The following EIF5B variants were observed in gnomAD, a reference collection of about 807,000 sequenced individuals.
The protein encoded by EIF5B is eIF-5B.
Under a neutral mutation model 147.5 loss-of-function variants are expected in EIF5B, and 47 were observed. The ratio of observed to expected loss-of-function variants is 0.32; its 90% CI spans 0.25 to 0.41. EIF5B has a LOEUF of 0.41. Ranked by LOEUF, EIF5B falls within the 10% of genes least tolerant of loss-of-function variation. The pLI is 1.00. For synonymous variants in EIF5B, 455 were observed against 456.2 expected, an observed-to-expected ratio of 1.00 and a Z score of 0.03; for missense variants, 1,064 against 1,413.2, an observed-to-expected ratio of 0.75 and a Z score of 3.96.
At chr2:99,342,368 A>T (rs2094261640) in intron 1 of EIF5B, among the ~76,000 whole-genome samples, 1 of 152,172 alleles carries the variant, frequency 6.6e-6, no homozygotes, top group Admixed American at 6.6e-5. Context: ...TTCAAGAAAT[A>T]TATTGAGATT....
intron 1 of EIF5B, among the ~76,000 whole-genome samples, chr2:99,345,652 ATAGG>A (rs2094271206): frequency 6.6e-6 from 1 of 151,554 alleles, no homozygotes; most frequent in Non-Finnish European, 1.5e-5. Flanking sequence ...CTTGTAGAAC[ATAGG>A]TAGGTGGGCG....
chr2:99,377,495 A>G (rs1411071833), intron 10 of EIF5B, among the ~76,000 whole-genome samples: 2 of 151,176 alleles, frequency 1.3e-5, no homozygotes, highest in East Asian at 3.9e-4. Flanking sequence ...AGATGCCTGT[A>G]GCATTCTTCC....
At chr2:99,346,569 T>A (rs984309729) in intron 1 of EIF5B, among the ~76,000 whole-genome samples, 28 of 151,042 alleles carry the variant, frequency 1.9e-4, no homozygotes, top group African/African-American at 6.6e-4. Flanking sequence ...ATTAGTTATT[T>A]TAGAACATAA....
At chr2:99,385,324 C>T (rs968304204) in intron 14 of EIF5B, among the ~76,000 whole-genome samples, 2 of 152,144 alleles carry the variant, frequency 1.3e-5, no homozygotes, top group Non-Finnish European at 1.5e-5. Context: ...GGATTACAGG[C>T]GTGAGCCACT....
chr2:99,399,094 C>T, intron 23 of EIF5B, 185 bp downstream of exon 23: 1 of 820,488 alleles, frequency 1.2e-6, no homozygotes, highest in Non-Finnish European at 1.9e-6. Context: ...AGGAAAGCAG[C>T]ACCAACAGAG....
Position 99,361,623 on chromosome 2 carries a change from A to G in EIF5B, c.722A>G (p.Lys241Arg). The G allele has an allele frequency of 1.9e-6, 3 of 1,594,014 alleles. No individual in the cohort carries two copies. The highest frequency in any genetic ancestry group is 2.2e-5 in the East Asian group (1 of 44,784). ...KKAEKKERER[K>R]KRDEEKAKLR... ...GCAGAAAAGAAGGAGCGCGAGAGAA[A>G]AAAGCGAGATGAAGAAAAAGCGAAA... The change falls in exon 4 of 24, where the codon AAA becomes AGA. Residue 241 changes from lysine (K) to arginine (R), a missense_variant. By Grantham distance (26) the Lys-to-Arg change is conservative. This residue lies in a region of EIF5B where 458 missense variants were observed against 451.3 expected (regional missense o/e 1.01). Coordinates refer to ENST00000289371, the MANE Select transcript of EIF5B (RefSeq NM_015904.4).
chr2:99,343,648 T>C (rs556761592), intron 1 of EIF5B, among the ~76,000 whole-genome samples: 2 of 151,864 alleles, frequency 1.3e-5, no homozygotes, highest in South Asian at 2.1e-4. Context: ...CAAAACCTAC[T>C]ACTAAAAATA....
intron 19 of EIF5B, 33 bp downstream of exon 19, chr2:99,394,431 G>C: frequency 7.4e-6 from 12 of 1,613,460 alleles, no homozygotes; most frequent in Non-Finnish European, 9.3e-6. Flanking sequence ...ACAAGTGAAT[G>C]GTGGTTGGTC....
At chr2:99,390,764 C>T in intron 17 of EIF5B, 59 bp downstream of exon 17, 1 of 1,507,414 alleles carries the variant, frequency 6.6e-7, no homozygotes, top group African/African-American at 1.4e-5. Context: ...AGAAGTTCTG[C>T]TGAGATGGTT....
At chr2:99,359,646 A>G (rs1358239437) in intron 1 of EIF5B, among the ~76,000 whole-genome samples, 1 of 152,160 alleles carries the variant, frequency 6.6e-6, no homozygotes, top group Non-Finnish European at 1.5e-5. Flanking sequence ...TTAGTTCTGG[A>G]TTTTTGGTTA....
chr2:99,376,531 A>G lies in EIF5B; in HGVS notation c.1737A>G (p.Leu579=). The G allele has an allele frequency of 6.2e-7, 1 of 1,614,006 alleles. No individual in the cohort carries two copies. Among genetic ancestry groups the G allele is most frequent in the Non-Finnish European group, 8.5e-7 (1 of 1,179,916 alleles). ...ATGAGAAGGATTCAGGGAAGACATT[A>G]GATAAAAAGCCAAGTAAAGAAATGA... is the stretch of plus-strand genomic sequence containing the variant. ...VSDEKDSGKT[L]DKKPSKEMSS... The change falls in exon 10 of 24, where the codon TTA becomes TTG. Residue 579 remains leucine, a synonymous_variant. Transcript: ENST00000289371.
At chr2:99,390,823 C>T (rs960002813) in intron 17 of EIF5B, 118 bp downstream of exon 17, 100 of 1,089,096 alleles carry the variant, frequency 9.2e-5, no homozygotes, top group African/African-American at 9.1e-4. Context: ...ATACATCCCT[C>T]GCTCTCCCTT....
intron 8 of EIF5B, among the ~76,000 whole-genome samples, chr2:99,370,659 T>C (rs367745572): frequency 6.6e-6 from 1 of 152,228 alleles, no homozygotes. Flanking sequence ...AGATAACTTA[T>C]GCAGGCTTGT....
chr2:99,345,611 A>AAG (rs59203969), intron 1 of EIF5B, among the ~76,000 whole-genome samples: 4 of 135,480 alleles, frequency 3.0e-5, no homozygotes, highest in Non-Finnish European at 3.1e-5. Flanking sequence ...AAAAAAAAAA[A>AAG]GGAATGTCTA....
intron 9 of EIF5B, among the ~76,000 whole-genome samples, chr2:99,374,006 C>G (rs564916522): frequency 6.6e-6 from 1 of 152,206 alleles, no homozygotes; most frequent in African/African-American, 2.4e-5. Context: ...TCATTGCTCT[C>G]GGCCAGGCAT....
intron 1 of EIF5B, among the ~76,000 whole-genome samples, chr2:99,339,006 A>AAATATATATATATATATACC: frequency 1.5e-5 from 2 of 137,190 alleles, no homozygotes; most frequent in East Asian, 4.1e-4. Context: ...ATATATATAC[A>AAATATATATATATATATACC]TTTTTTTTTT....
At chr2:99,370,227 A>G (rs1336273934) in intron 8 of EIF5B, among the ~76,000 whole-genome samples, 1 of 152,076 alleles carries the variant, frequency 6.6e-6, no homozygotes, top group Non-Finnish European at 1.5e-5. Context: ...GTATCTGTGT[A>G]TATGTTGAGG....
At chr2:99,397,123 T>C (rs1433817673) in intron 22 of EIF5B, 3 of 388,598 alleles carry the variant, frequency 7.7e-6, no homozygotes, top group Admixed American at 4.3e-5. Context: ...TGCTTCAGTA[T>C]TGGTAAATAT....
chr2:99,398,517 T>G, intron 22 of EIF5B: 1 of 381,340 alleles, frequency 2.6e-6, no homozygotes, highest in Admixed American at 4.4e-5. Flanking sequence ...TTGGAATGTT[T>G]TGCAAAGCAC....
Sources: gnomAD v4.1 joint callset for allele counts (sites outside exome capture counted in the v4.1 genomes callset) on GRCh38, gnomAD v4.1.1 for gene constraint, gnomAD v4.1.1 regional missense constraint, MANE v1.5 for transcripts, NCBI Gene and HGNC (gene_info 2026-07-23, HGNC 2026-07-21) for gene names.